Variants in NTM observed in about 807,000 individuals in gnomAD.
The protein encoded by NTM is IgLON family member 2.
NTM carries 13 observed loss-of-function variants against 42.1 expected under a neutral mutation model. The observed-to-expected ratio is 0.31, with a 90% CI of 0.20 to 0.49. The LOEUF (loss-of-function observed/expected upper bound fraction) is 0.49. Among genes scored for constraint, NTM ranks in the 20% least tolerant of loss-of-function variants. NTM has a pLI of 0.99. For missense variants in NTM, 373 were observed against 452.8 expected, an observed-to-expected ratio of 0.82 and a Z score of 1.60; for synonymous variants, 187 against 179.2, an observed-to-expected ratio of 1.04 and a Z score of -0.35.
intron 1 of NTM, among the ~76,000 whole-genome samples, chr11:131,628,038 G>A (rs1050408651): frequency 3.3e-5 from 5 of 152,148 alleles, no homozygotes; most frequent in African/African-American, 7.2e-5. Context: ...AATGTCTATG[G>A]TAATTGTCAT....
chr11:131,628,883 G>A lies in NTM; in HGVS notation c.82+257995G>A, dbSNP rs140177856. On this transcript the variant is annotated intron_variant, in intron 1 of 8. Transcript: ENST00000683400. Reference sequence around the variant, plus strand: ...ATGTCCAGTTGGGGTGATGGGCCATGAGCCCAAGAGCCAGGGCTGTGGAGT... The same window carrying A: ...ATGTCCAGTTGGGGTGATGGGCCATAAGCCCAAGAGCCAGGGCTGTGGAGT... Among the ~76,000 whole-genome samples the A allele has an allele frequency of 3.2e-3, 485 of 152,380 alleles. 2 individuals are homozygous for A. The highest frequency in any genetic ancestry group is 0.011 in the African/African-American group (459 of 41,600).
At chr11:131,391,626 C>A (rs1317053938) in intron 1 of NTM, among the ~76,000 whole-genome samples, 35 of 46,154 alleles carry the variant, frequency 7.6e-4, no homozygotes, top group Non-Finnish European at 9.4e-4. Context: ...TGAAATCAGT[C>A]AAATGACTTT....
intron 2 of NTM, among the ~76,000 whole-genome samples, chr11:132,140,532 A>G (rs1446150494): frequency 3.9e-5 from 6 of 152,300 alleles, no homozygotes; most frequent in Non-Finnish European, 8.8e-5. Flanking sequence ...TATGACCCAG[A>G]TCAATTTTGT....
intron 1 of NTM, among the ~76,000 whole-genome samples, chr11:131,401,814 A>ATATATATATATGTG (rs1945189665): frequency 2.2e-4 from 6 of 27,180 alleles, no homozygotes; most frequent in East Asian, 1.2e-3. Context: ...ATATATATAT[A>ATATATATATATGTG]TATATATATA....
intron 1 of NTM, among the ~76,000 whole-genome samples, chr11:131,547,750 C>G (rs572089219): frequency 5.3e-5 from 8 of 152,150 alleles, no homozygotes; most frequent in African/African-American, 1.9e-4. Context: ...TCAAAGAGTT[C>G]GCTTTTAGTT....
At chr11:131,806,400 A>G (rs1365856357) in intron 1 of NTM, among the ~76,000 whole-genome samples, 3 of 152,176 alleles carry the variant, frequency 2.0e-5, no homozygotes, top group African/African-American at 7.2e-5. Flanking sequence ...TGATATGAAA[A>G]GCTCATGTGA....
chr11:131,709,504 T>A (rs2076909157), intron 1 of NTM, among the ~76,000 whole-genome samples: 1 of 152,202 alleles, frequency 6.6e-6, no homozygotes, highest in Non-Finnish European at 1.5e-5. Context: ...GGTTGTCAGA[T>A]GTAAAAATAA....
chr11:131,379,645 A>C (rs1439988781), intron 1 of NTM, among the ~76,000 whole-genome samples: 1 of 152,230 alleles, frequency 6.6e-6, no homozygotes, highest in Non-Finnish European at 1.5e-5. Context: ...TGCCTTGTAC[A>C]TAGGAAGCTC....
chr11:131,662,283 A>G (rs1179989189), intron 1 of NTM: 1 of 152,252 alleles, frequency 6.6e-6, no homozygotes, highest in Non-Finnish European at 1.5e-5. Flanking sequence ...CCATATGTTG[A>G]AAATCACAAA....
intron 1 of NTM, among the ~76,000 whole-genome samples, chr11:131,485,495 T>C (rs905712591): frequency 8.5e-5 from 13 of 152,080 alleles, no homozygotes; most frequent in Non-Finnish European, 1.5e-4. Context: ...AAAAGACAAA[T>C]ACAAAAGTGC....
At chr11:131,945,511 C>T (rs2060249173) in intron 2 of NTM, among the ~76,000 whole-genome samples, 2 of 152,164 alleles carry the variant, frequency 1.3e-5, no homozygotes, top group Admixed American at 6.5e-5. Context: ...GCCCCTAACA[C>T]ATGTAAGCCT....
chr11:131,460,797 G>C (rs61625570), intron 1 of NTM, among the ~76,000 whole-genome samples: 1 of 152,040 alleles, frequency 6.6e-6, no homozygotes, highest in African/African-American at 2.4e-5. Context: ...CAAATGATCC[G>C]CCCGCTTGGG....
intron 1 of NTM, among the ~76,000 whole-genome samples, chr11:131,421,437 T>C (rs2135829590): frequency 6.6e-6 from 1 of 152,350 alleles, no homozygotes. Context: ...TGAAGGTTCC[T>C]TTGGATCCTT....
chr11:131,588,824 T>G (rs1167109787), intron 1 of NTM, among the ~76,000 whole-genome samples: 1 of 152,264 alleles, frequency 6.6e-6, no homozygotes, highest in East Asian at 1.9e-4. Flanking sequence ...GTGTACTTAT[T>G]GTTAAATGGG....
intron 1 of NTM, among the ~76,000 whole-genome samples, chr11:131,814,487 A>C (rs1039674845): frequency 1.3e-5 from 2 of 152,178 alleles, no homozygotes; most frequent in African/African-American, 4.8e-5. Flanking sequence ...GAACCTTTCC[A>C]TACGGTTTCA....
At chr11:131,673,146 C>T (rs1373079115) in intron 1 of NTM, among the ~76,000 whole-genome samples, 4 of 152,094 alleles carry the variant, frequency 2.6e-5, no homozygotes, top group Admixed American at 2.6e-4. Flanking sequence ...GGTCAGAAAA[C>T]TCCTGAGGTT....
At chr11:131,468,875 A>G (rs1378168430) in intron 1 of NTM, among the ~76,000 whole-genome samples, 3 of 152,216 alleles carry the variant, frequency 2.0e-5, no homozygotes, top group Non-Finnish European at 4.4e-5. Context: ...GAAAAGGGGC[A>G]GGTGGTTTGG....
intron 1 of NTM, among the ~76,000 whole-genome samples, chr11:131,892,481 G>C (rs1276040108): frequency 3.3e-5 from 5 of 152,196 alleles, no homozygotes; most frequent in Non-Finnish European, 7.3e-5. Flanking sequence ...AGGAAGCCCT[G>C]GCTGATTTCT....
chr11:131,763,775 C>T (rs972919652), intron 1 of NTM, among the ~76,000 whole-genome samples: 30 of 131,488 alleles, frequency 2.3e-4, no homozygotes, highest in Admixed American at 1.4e-3. Flanking sequence ...CCATTCTGTA[C>T]GCTGCTTTAT....
Sources: allele counts gnomAD v4.1 joint callset (sites outside exome capture counted in the v4.1 genomes callset), GRCh38; gene constraint gnomAD v4.1.1; transcripts MANE v1.5; gene names NCBI Gene and HGNC (gene_info 2026-07-23, HGNC 2026-07-21).